The following STT3B variants were observed in gnomAD, a reference collection of about 807,000 sequenced individuals.
STT3B encodes the protein dolichyl-diphosphooligosaccharide--protein glycosyltransferase subunit STT3B.
STT3B carries 29 observed loss-of-function variants against 96.8 expected under a neutral mutation model. The ratio of observed to expected loss-of-function variants is 0.30; its 90% CI spans 0.22 to 0.41. The LOEUF is 0.41. Ranked by LOEUF, STT3B falls within the 10% of genes least tolerant of loss-of-function variation. The pLI is 1.00. For synonymous variants in STT3B, 367 were observed against 360.0 expected, an observed-to-expected ratio of 1.02 and a Z score of -0.22; for missense variants, 640 against 1,022.3, an observed-to-expected ratio of 0.63 and a Z score of 5.10.
intron 7 of STT3B, 107 bp downstream of exon 7, chr3:31,617,182 T>C: frequency 2.5e-6 from 2 of 807,848 alleles, no homozygotes; most frequent in Non-Finnish European, 3.4e-6. Context: ...AAAGTGATTT[T>C]TTTCTTTTTT....
At chr3:31,563,977 A>C (rs1000467952) in intron 1 of STT3B, among the ~76,000 whole-genome samples, 1 of 152,104 alleles carries the variant, frequency 6.6e-6, no homozygotes, top group African/African-American at 2.4e-5. Context: ...ATACAATACT[A>C]AATGGTTCTG....
chr3:31,616,747 C>G (rs1474232455), intron 6 of STT3B, among the ~76,000 whole-genome samples, 182 bp from the exon 7 acceptor site: 1 of 150,216 alleles, frequency 6.7e-6, no homozygotes, highest in South Asian at 2.1e-4. Flanking sequence ...AAAAAAGTCA[C>G]AGAATTTTTT....
At chr3:31,550,586 C>G (rs1029352442) in intron 1 of STT3B, among the ~76,000 whole-genome samples, 1 of 152,150 alleles carries the variant, frequency 6.6e-6, no homozygotes, top group East Asian at 1.9e-4. Flanking sequence ...CATTAGTAAT[C>G]CTTATGAATT....
intron 6 of STT3B, among the ~76,000 whole-genome samples, chr3:31,615,566 A>G (rs1303791112): frequency 2.0e-5 from 3 of 151,934 alleles, no homozygotes. Context: ...TCTTACTGTT[A>G]TATAGCACTT....
chr3:31,607,385 T>A (rs1699076536), intron 5 of STT3B, among the ~76,000 whole-genome samples: 1 of 152,206 alleles, frequency 6.6e-6, no homozygotes, highest in Non-Finnish European at 1.5e-5. Flanking sequence ...TTTCCACATG[T>A]TGTGGGAGAG....
intron 3 of STT3B, among the ~76,000 whole-genome samples, chr3:31,592,216 G>A (rs1303183608): frequency 6.6e-6 from 1 of 152,148 alleles, no homozygotes; most frequent in East Asian, 1.9e-4. Flanking sequence ...TATAGTAGTT[G>A]TCTTTTTGTG....
chr3:31,632,533 A>T (rs1219226701), intron 14 of STT3B, among the ~76,000 whole-genome samples: 2 of 152,186 alleles, frequency 1.3e-5, no homozygotes, highest in Non-Finnish European at 2.9e-5. Context: ...CATGCAAAAG[A>T]GCTGAATGAA....
chr3:31,539,639 C>T (rs1267201093), intron 1 of STT3B, among the ~76,000 whole-genome samples: 1 of 152,126 alleles, frequency 6.6e-6, no homozygotes, highest in African/African-American at 2.4e-5. Context: ...CTGTAGCTAA[C>T]TAAGCTTACT....
intron 1 of STT3B, among the ~76,000 whole-genome samples, chr3:31,559,940 C>T (rs1414232814): frequency 6.6e-6 from 1 of 151,878 alleles, no homozygotes; most frequent in Non-Finnish European, 1.5e-5. Flanking sequence ...ATATAATTAC[C>T]TTCTTTGTCT....
At chr3:31,549,676 A>G (rs868449705) in intron 1 of STT3B, among the ~76,000 whole-genome samples, 1 of 152,198 alleles carries the variant, frequency 6.6e-6, no homozygotes, top group Non-Finnish European at 1.5e-5. Flanking sequence ...TTTATATAGT[A>G]TAATGCATAA....
rs538805790 is a variant in STT3B at position 31,568,410 on chromosome 3, A to G, written c.315-7986A>G. ...GATTGCTGGATTATATGGTAGTTCT[A>G]TTTGTTTTCTTGAGGAACCTCCATA... On this transcript the variant is annotated intron_variant, in intron 1 of 15. Coordinates refer to ENST00000295770, the MANE Select transcript of STT3B (RefSeq NM_178862.3). Among the ~76,000 whole-genome samples, 108 of 152,134 alleles carry G rather than the reference A, an allele frequency of 7.1e-4. No individual in the cohort carries two copies. In the South Asian group the frequency reaches 7.7e-3, roughly 11 times the overall value.
At chr3:31,575,909 A>G (rs1698254032) in intron 1 of STT3B, among the ~76,000 whole-genome samples, 1 of 150,828 alleles carries the variant, frequency 6.6e-6, no homozygotes, top group African/African-American at 2.4e-5. Context: ...ATTTTTTCTC[A>G]TTTGTCTCAG....
chr3:31,555,445 A>G (rs1697681948), intron 1 of STT3B, among the ~76,000 whole-genome samples: 1 of 152,146 alleles, frequency 6.6e-6, no homozygotes, highest in Admixed American at 6.5e-5. Flanking sequence ...TTAGATGTTG[A>G]TACACTTAAT....
rs955026880 is a variant in STT3B, at chr3:31,637,366, G to T, written c.*1302G>T. 6.6e-6 allele frequency: 1 copy of T among 152,174 alleles called. No individual in the cohort carries two copies. The highest frequency in any genetic ancestry group is 6.5e-5 in the Admixed American group (1 of 15,276). 9.4% of individuals were successfully genotyped at this position (152,174 alleles called of 1,614,324 possible). A position where few individuals can be genotyped will look rare whatever the true frequency, so the allele number is the denominator to read the frequency against. On this transcript the variant is annotated 3_prime_UTR_variant, in exon 16 of 16. Coordinates refer to ENST00000295770, the MANE Select transcript of STT3B (RefSeq NM_178862.3). The stretch of plus-strand genomic sequence containing the variant: ...AGAAAAATGTAATTTACAATATTCA[G>T]TGAGAATGTTACTGCTGATTTTCTT...
intron 1 of STT3B, among the ~76,000 whole-genome samples, chr3:31,543,403 G>T (rs1370370796): frequency 6.6e-6 from 1 of 152,162 alleles, no homozygotes; most frequent in African/African-American, 2.4e-5. Flanking sequence ...GGAGGCAAAA[G>T]ATTCTTTAAG....
At chr3:31,586,115 G>A (rs1698529567) in intron 3 of STT3B, among the ~76,000 whole-genome samples, 1 of 151,984 alleles carries the variant, frequency 6.6e-6, no homozygotes, top group Non-Finnish European at 1.5e-5. Context: ...CCATCAGATG[G>A]CATGGTCACA....
chr3:31,626,902 T>C (rs1339221984), intron 13 of STT3B, among the ~76,000 whole-genome samples: 1 of 152,190 alleles, frequency 6.6e-6, no homozygotes, highest in Non-Finnish European at 1.5e-5. Context: ...TGCTGGTGTC[T>C]TGTTCTTCTG....
Position 31,617,005 on chromosome 3 carries a change from C to G in STT3B, c.1053C>G (p.Thr351=). Reference sequence around the variant, plus strand: ...GATTAACAAAACAAGAGTTCCAGACCCTTTTCTTTTTGGGTGTATCACTAG... The same window carrying G: ...GATTAACAAAACAAGAGTTCCAGACGCTTTTCTTTTTGGGTGTATCACTAG... ...RDRLTKQEFQ[T]LFFLGVSLAA... is the part of the protein sequence containing the mutation. The change falls in exon 7 of 16, where the codon ACC becomes ACG. Residue 351 remains threonine, a synonymous_variant. Coordinates refer to ENST00000295770, the MANE Select transcript of STT3B (RefSeq NM_178862.3). The G allele has an allele frequency of 6.2e-7, 1 of 1,611,732 alleles. No individual in the cohort carries two copies. The highest frequency in any genetic ancestry group is 8.5e-7 in the Non-Finnish European group (1 of 1,178,262).
intron 3 of STT3B, among the ~76,000 whole-genome samples, chr3:31,580,652 T>C (rs73824192): frequency 0.012 from 1,780 of 152,244 alleles, 36 homozygotes; most frequent in African/African-American, 0.041. Flanking sequence ...ATTAAGTATA[T>C]TTTTAGGTAG....
Sources: allele counts gnomAD v4.1 joint callset (sites outside exome capture counted in the v4.1 genomes callset), GRCh38; gene constraint gnomAD v4.1.1; transcripts MANE v1.5; gene names NCBI Gene and HGNC (gene_info 2026-07-23, HGNC 2026-07-21).